Variants in NDRG3 observed in about 807,000 individuals in gnomAD.
NDRG3 encodes the protein NDRG family member 3, also known as protein NDRG3.
A neutral mutation model predicts 57.2 loss-of-function variants in NDRG3; 23 were observed. That is an observed-to-expected ratio of 0.40 (90% confidence interval 0.29 to 0.57). NDRG3 has a LOEUF of 0.57. NDRG3 is among the 20% of genes least tolerant of loss of function. The probability of loss-of-function intolerance (pLI) is 0.42; values close to 1 mark genes in which losing one functional copy is unlikely to be tolerated. For missense variants in NDRG3, 384 were observed against 457.3 expected, an observed-to-expected ratio of 0.84 and a Z score of 1.46; for synonymous variants, 132 against 162.6, an observed-to-expected ratio of 0.81 and a Z score of 1.43.
chr20:36,715,225 T>C (rs569447775), intron 2 of NDRG3, among the ~76,000 whole-genome samples: 1 of 151,490 alleles, frequency 6.6e-6, no homozygotes, highest in East Asian at 1.9e-4. Flanking sequence ...CCATGGGCAC[T>C]CTGCTAAGGT....
At position 36,666,294 on chromosome 20, in the gene NDRG3, G is replaced by A. The variant is rs778155127; in HGVS notation, c.687C>T (p.Tyr229=). The A allele has an allele frequency of 1.2e-6, 2 of 1,611,410 alleles. No individual in the cohort carries two copies. The highest frequency in any genetic ancestry group is 2.2e-5 in the South Asian group (2 of 91,036). Residue 229 remains tyrosine, a synonymous_variant, in exon 10 of 16, where the codon TAC becomes TAT. Coordinates refer to ENST00000349004, the MANE Select transcript of NDRG3 (RefSeq NM_032013.4). The part of the protein sequence containing the change: ...QDNLQLFLNS[Y]NGRRDLEIER... ...GAAACAGGAAAAAACTATACCCATT[G>A]TAGGAATTCAAGAAGAGCTGCAGGT...
rs1481494349 is a variant in NDRG3, at chr20:36,733,160, AAAAAAAAAAAAATATATATATATAT to A, written c.-48-11402_-48-11378del. 1.2e-3 allele frequency among the ~76,000 whole-genome samples: 65 copies of A among 54,708 alleles called. 1 individual carries two copies. Among genetic ancestry groups the A allele is most frequent in the South Asian group, 5.9e-3 (14 of 2,384 alleles). The allele number at this position is 54,708 out of a possible 152,430, so 35.9% of individuals were successfully genotyped here. A position where few individuals can be genotyped will look rare whatever the true frequency, so the allele number is the denominator to read the frequency against. ...CGATCCTGTCTCAAAAAAAAAAAAA[AAAAAAAAAAAAATATATATATATAT>A]ATATATATATATATATATGCACATA... On this transcript the variant is annotated intron_variant, in intron 1 of 15. Coordinates refer to ENST00000349004, the MANE Select transcript of NDRG3 (RefSeq NM_032013.4).
At chr20:36,744,300 A>C (rs981596999) in intron 1 of NDRG3, among the ~76,000 whole-genome samples, 5 of 152,132 alleles carry the variant, frequency 3.3e-5, no homozygotes, top group African/African-American at 9.7e-5. Context: ...TGACAAGTTT[A>C]ATCTGAAGGA....
At chr20:36,669,507 G>A (rs112776316) in intron 9 of NDRG3, among the ~76,000 whole-genome samples, 5,556 of 152,082 alleles carry the variant, frequency 0.037, 140 homozygotes, top group Middle Eastern at 0.088. Context: ...TGGGATTACA[G>A]GCATGAGCCA....
intron 3 of NDRG3, among the ~76,000 whole-genome samples, chr20:36,695,956 TC>T (rs920799646): frequency 6.6e-6 from 1 of 152,126 alleles, no homozygotes; most frequent in African/African-American, 2.4e-5. Flanking sequence ...ATGTGATGTC[TC>T]CCCCCGGACA....
intron 2 of NDRG3, among the ~76,000 whole-genome samples, chr20:36,716,498 A>G (rs1984285515): frequency 6.8e-6 from 1 of 146,416 alleles, no homozygotes; most frequent in Non-Finnish European, 1.5e-5. Flanking sequence ...ATGCCACTGC[A>G]CTCCAGCCTG....
At chr20:36,703,986 T>C (rs1983401202) in intron 3 of NDRG3, among the ~76,000 whole-genome samples, 2 of 152,210 alleles carry the variant, frequency 1.3e-5, no homozygotes, top group Non-Finnish European at 2.9e-5. Flanking sequence ...ACTAGTGAAA[T>C]AGCAGGTGAT....
intron 3 of NDRG3, among the ~76,000 whole-genome samples, chr20:36,693,197 C>CAT (rs1410927883): frequency 3.3e-5 from 4 of 121,168 alleles, no homozygotes; most frequent in African/African-American, 9.3e-5. Context: ...TACACACACA[C>CAT]ATATATATGT....
At chr20:36,735,858 G>A (rs1484624051) in intron 1 of NDRG3, among the ~76,000 whole-genome samples, 2 of 151,620 alleles carry the variant, frequency 1.3e-5, no homozygotes, top group East Asian at 1.9e-4. Flanking sequence ...GCATGATGGC[G>A]CATGCCTTAA....
At position 36,687,590 on chromosome 20, in the gene NDRG3, G is replaced by A. The variant is rs1055379908; in HGVS notation, c.222C>T (p.Phe74=). 6.2e-7 allele frequency: 1 copy of A among 1,613,842 alleles called. No homozygotes were observed. The highest frequency in any genetic ancestry group is 8.5e-7 in the Non-Finnish European group (1 of 1,179,864). ...TCTCTTGCATATCCTCAAAGTTAAAGAATGCATTGAAACAGGATTTATCTA... is the reference window on the plus strand; with the variant it reads ...TCTCTTGCATATCCTCAAAGTTAAAAAATGCATTGAAACAGGATTTATCTA... The part of the protein sequence containing the change: ...GLNHKSCFNA[F]FNFEDMQEIT... The change falls in exon 5 of 16, where the codon TTC becomes TTT. Residue 74 remains phenylalanine, a synonymous_variant. Coordinates refer to ENST00000349004, the MANE Select transcript of NDRG3 (RefSeq NM_032013.4).
intron 1 of NDRG3, among the ~76,000 whole-genome samples, chr20:36,745,429 G>C (rs1362733107): frequency 2.0e-5 from 3 of 152,162 alleles, no homozygotes; most frequent in Non-Finnish European, 4.4e-5. Flanking sequence ...TGGCCTGAGA[G>C]CCCGAGACCC....
At chr20:36,733,164 A>AT (rs1568672712) in intron 1 of NDRG3, among the ~76,000 whole-genome samples, 22 of 51,342 alleles carry the variant, frequency 4.3e-4, no homozygotes, top group Non-Finnish European at 6.1e-4. Context: ...AAAAAAAAAA[A>AT]AAAAAAAATA....
chr20:36,660,123 G>T (rs1328196179), intron 13 of NDRG3, among the ~76,000 whole-genome samples: 1 of 151,904 alleles, frequency 6.6e-6, no homozygotes, highest in Non-Finnish European at 1.5e-5. Context: ...CAGGAGAATT[G>T]CTTGAACCCG....
chr20:36,716,353 C>T (rs1984275454), intron 2 of NDRG3, among the ~76,000 whole-genome samples: 2 of 151,840 alleles, frequency 1.3e-5, no homozygotes, highest in Non-Finnish European at 2.9e-5. Context: ...GCCAACATGG[C>T]AAAACCCCAT....
At chr20:36,706,573 C>T (rs1179329522) in intron 3 of NDRG3, among the ~76,000 whole-genome samples, 2 of 152,120 alleles carry the variant, frequency 1.3e-5, no homozygotes, top group Non-Finnish European at 2.9e-5. Flanking sequence ...AGCACGATCT[C>T]GGCTCACTGA....
chr20:36,731,049 G>A (rs1985257034), intron 1 of NDRG3, among the ~76,000 whole-genome samples: 1 of 152,104 alleles, frequency 6.6e-6, no homozygotes, highest in Non-Finnish European at 1.5e-5. Context: ...ACAATGAATG[G>A]AAATTAGTGA....
At chr20:36,713,010 TCA>T (rs1032092574) in intron 2 of NDRG3, among the ~76,000 whole-genome samples, 2 of 152,152 alleles carry the variant, frequency 1.3e-5, no homozygotes, top group Non-Finnish European at 2.9e-5. Flanking sequence ...TCCTCCTGCC[TCA>T]GTTTGTTTGT....
Position 36,652,368 on chromosome 20 carries a change from G to C in NDRG3, c.*1152C>G, listed in dbSNP as rs1978319546. 2 of 151,630 alleles carry C rather than the reference G, an allele frequency of 1.3e-5. No individual in the cohort carries two copies. The highest frequency in any genetic ancestry group is 4.2e-4 in the South Asian group (2 of 4,794). The allele number at this position is 151,630 out of a possible 1,614,324, so 9.4% of individuals were successfully genotyped here. On this transcript the variant is annotated 3_prime_UTR_variant, in exon 16 of 16. Transcript: ENST00000349004. ...GCAGAGGTTGCAGTGAGCCAAGTTT[G>C]CGCCATTGCACTCCAGCCTGGGTAA...
chr20:36,653,629 T>C lies in NDRG3; in HGVS notation c.1019A>G (p.Glu340Gly). 6.2e-7 allele frequency: 1 copy of C among 1,614,078 alleles called. No homozygotes were observed. Among genetic ancestry groups the C allele is most frequent in the Non-Finnish European group, 8.5e-7 (1 of 1,180,014 alleles). ...GGTGACAGACCGGCTGAAGGGACTT[T>C]CTCCAGAGCCGAGGCTACTCGAGGT... Reference protein sequence around the residue: ...HSTSSSLGSGESPFSRSVTSN... With the variant: ...HSTSSSLGSGGSPFSRSVTSN... The change falls in exon 16 of 16, where the codon GAA becomes GGA. Residue 340 changes from glutamate (E) to glycine (G), a missense_variant. Coordinates refer to ENST00000349004, the MANE Select transcript of NDRG3 (RefSeq NM_032013.4). This position sits in a 1 kb window ranked among gnomAD's most constrained non-coding sequence, Gnocchi z 4.2.
Sources: gnomAD v4.1 joint callset for allele counts (sites outside exome capture counted in the v4.1 genomes callset) on GRCh38, gnomAD v4.1.1 for gene constraint, Gnocchi (gnomAD v3.1) non-coding constraint, MANE v1.5 for transcripts, NCBI Gene and HGNC (gene_info 2026-07-23, HGNC 2026-07-21) for gene names.